Variants in RALGAPA1 observed in about 807,000 individuals in gnomAD.
RALGAPA1 encodes Ral GTPase activating protein catalytic subunit alpha 1.
A neutral mutation model predicts 269.6 loss-of-function variants in RALGAPA1; 52 were observed. The observed-to-expected ratio is 0.19, with a 90% CI of 0.15 to 0.24. RALGAPA1 has a LOEUF of 0.24. Among genes scored for constraint, RALGAPA1 ranks in the 10% least tolerant of loss-of-function variants. The pLI is 1.00. For missense variants in RALGAPA1, 1,917 were observed against 3,013.9 expected, an observed-to-expected ratio of 0.64 and a Z score of 8.52; for synonymous variants, 817 against 1,008.3, an observed-to-expected ratio of 0.81 and a Z score of 3.60.
intron 10 of RALGAPA1, among the ~76,000 whole-genome samples, chr14:35,744,416 TATG>T (rs962300521): frequency 2.6e-5 from 4 of 152,144 alleles, no homozygotes; most frequent in Admixed American, 6.5e-5. Flanking sequence ...TTTATTTTTT[TATG>T]ATACTACCTG....
At chr14:35,707,670 A>G (rs1412811891) in intron 16 of RALGAPA1, 3 of 152,152 alleles carry the variant, frequency 2.0e-5, no homozygotes, top group African/African-American at 7.2e-5. Context: ...TTTTTGAGAA[A>G]AGTTATGGAG....
At chr14:35,715,348 T>C (rs1262173501) in intron 16 of RALGAPA1, among the ~76,000 whole-genome samples, 1 of 152,180 alleles carries the variant, frequency 6.6e-6, no homozygotes, top group African/African-American at 2.4e-5. Context: ...TTTTTTTTCT[T>C]TCAGGAATTA....
intron 37 of RALGAPA1, among the ~76,000 whole-genome samples, chr14:35,595,378 A>T (rs983233173): frequency 6.6e-6 from 1 of 152,094 alleles, no homozygotes; most frequent in African/African-American, 2.4e-5. Context: ...ATCCCACAAC[A>T]TTTCATGTTG....
At chr14:35,545,789 G>A (rs1020991204) in intron 41 of RALGAPA1, among the ~76,000 whole-genome samples, 1 of 151,856 alleles carries the variant, frequency 6.6e-6, no homozygotes, top group African/African-American at 2.4e-5. Context: ...AATAAAAAAA[G>A]ATAATATTGA....
intron 37 of RALGAPA1, among the ~76,000 whole-genome samples, chr14:35,581,250 T>C (rs1594683186): frequency 1.3e-5 from 2 of 152,120 alleles, no homozygotes; most frequent in Non-Finnish European, 2.9e-5. Context: ...AAATCTTATA[T>C]ACTAGAACTC....
At chr14:35,633,191 C>T (rs1467153276) in intron 33 of RALGAPA1, among the ~76,000 whole-genome samples, 4 of 152,270 alleles carry the variant, frequency 2.6e-5, no homozygotes, top group Admixed American at 6.5e-5. Flanking sequence ...AAGAAACATA[C>T]TATATTGTCT....
chr14:35,750,344 G>T, intron 9 of RALGAPA1, 138 bp downstream of exon 9: 1 of 477,442 alleles, frequency 2.1e-6, no homozygotes, highest in Non-Finnish European at 3.7e-6. Context: ...ATTAAAATTT[G>T]CATTTACAAA....
Position 35,689,176 on chromosome 14 carries a change from G to A in RALGAPA1, c.3235C>T (p.Leu1079=). The A allele has an allele frequency of 1.1e-5, 13 of 1,233,176 alleles. No individual in the cohort carries two copies. Among genetic ancestry groups the A allele is most frequent in the Non-Finnish European group, 1.2e-5 (12 of 988,776 alleles). 76.4% of individuals were successfully genotyped at this position (1,233,176 alleles called of 1,614,324 possible). The change falls in exon 18 of 42, where the codon CTA becomes TTA. Residue 1079 remains leucine, a synonymous_variant. Transcript: ENST00000680220. ...TELDACVDVT[L]VEKLKSVQIN... is the part of the protein sequence containing the mutation. ...TGCACACTCTTAAGCTTTTCAACTA[G>A]TGTTACATCAACACAAGCATCTAAT...
At chr14:35,616,380 C>T (rs10146019) in intron 35 of RALGAPA1, among the ~76,000 whole-genome samples, 13,206 of 151,852 alleles carry the variant, frequency 0.087, 844 homozygotes, top group East Asian at 0.31. Context: ...GAAGTTGGGG[C>T]AGAGGACTTT....
At chr14:35,650,844 A>G (rs1340937710) in intron 31 of RALGAPA1, among the ~76,000 whole-genome samples, 7 of 152,164 alleles carry the variant, frequency 4.6e-5, no homozygotes, top group African/African-American at 1.2e-4. Flanking sequence ...AGCCTTGTCT[A>G]ACAGAACTTT....
At chr14:35,639,755 C>G (rs907192660) in intron 31 of RALGAPA1, among the ~76,000 whole-genome samples, 1 of 151,804 alleles carries the variant, frequency 6.6e-6, no homozygotes, top group Non-Finnish European at 1.5e-5. Flanking sequence ...CTGGCTAAGA[C>G]GGTGAAACCC....
intron 1 of RALGAPA1, among the ~76,000 whole-genome samples, chr14:35,802,163 C>T (rs926333597): frequency 1.3e-5 from 2 of 152,112 alleles, no homozygotes; most frequent in Non-Finnish European, 2.9e-5. Context: ...CAAAAATCAG[C>T]CAGGCTCAGT....
intron 35 of RALGAPA1, among the ~76,000 whole-genome samples, chr14:35,619,197 TAGA>T (rs1291883116): frequency 6.6e-6 from 1 of 152,070 alleles, no homozygotes; most frequent in Non-Finnish European, 1.5e-5. Context: ...CTGTAAGTGT[TAGA>T]AGGAGCAAGA....
intron 12 of RALGAPA1, among the ~76,000 whole-genome samples, chr14:35,736,924 T>G (rs2071052319): frequency 6.6e-6 from 1 of 151,224 alleles, no homozygotes; most frequent in South Asian, 2.1e-4. Flanking sequence ...TAATCCCAAC[T>G]ACTCAGGAGG....
chr14:35,548,575 A>T (rs746095490), intron 40 of RALGAPA1, 37 bp from the exon 41 acceptor site: 3 of 1,427,380 alleles, frequency 2.1e-6, no homozygotes, highest in Non-Finnish European at 9.7e-7. Flanking sequence ...TCATAAGGAG[A>T]GCAAGATATT....
intron 39 of RALGAPA1, among the ~76,000 whole-genome samples, chr14:35,559,983 T>C (rs999831309): frequency 2.6e-5 from 4 of 152,214 alleles, no homozygotes; most frequent in African/African-American, 9.6e-5. Context: ...TTAGAGATCT[T>C]AGTCTCATTG....
At chr14:35,662,246 A>T (rs1239158844) in intron 27 of RALGAPA1, among the ~76,000 whole-genome samples, 2 of 152,210 alleles carry the variant, frequency 1.3e-5, no homozygotes, top group Admixed American at 1.3e-4. Flanking sequence ...GTTTGGGGTG[A>T]TAAAGAGAGG....
intron 36 of RALGAPA1, among the ~76,000 whole-genome samples, chr14:35,604,062 A>C (rs2059440287): frequency 6.6e-6 from 1 of 152,126 alleles, no homozygotes; most frequent in African/African-American, 2.4e-5. Flanking sequence ...AATACCCTGA[A>C]CTGATCACTA....
At chr14:35,548,595 G>C (rs2054675531) in intron 40 of RALGAPA1, 57 bp from the exon 41 acceptor site, 1 of 1,189,756 alleles carries the variant, frequency 8.4e-7, no homozygotes, top group South Asian at 1.4e-5. Flanking sequence ...TACAGAATAG[G>C]AAGGCCACGA....
Sources: allele counts gnomAD v4.1 joint callset (sites outside exome capture counted in the v4.1 genomes callset), GRCh38; gene constraint gnomAD v4.1.1; transcripts MANE v1.5; gene names NCBI Gene and HGNC (gene_info 2026-07-23, HGNC 2026-07-21).